Variants in PRICKLE1 observed in about 807,000 individuals in gnomAD.
The protein encoded by PRICKLE1 is prickle planar cell polarity protein 1.
PRICKLE1 carries 14 observed loss-of-function variants against 70.2 expected under a neutral mutation model. The ratio of observed to expected loss-of-function variants is 0.20; its 90% CI spans 0.13 to 0.31. PRICKLE1 has a LOEUF of 0.31. Among genes scored for constraint, PRICKLE1 ranks in the 10% least tolerant of loss-of-function variants. PRICKLE1 has a pLI of 1.00. For missense variants in PRICKLE1, 821 were observed against 1,026.2 expected, an observed-to-expected ratio of 0.80 and a Z score of 2.73; for synonymous variants, 357 against 379.9, an observed-to-expected ratio of 0.94 and a Z score of 0.70.
intron 1 of PRICKLE1, among the ~76,000 whole-genome samples, chr12:42,574,766 G>A (rs931781435): frequency 2.6e-5 from 4 of 152,190 alleles, no homozygotes; most frequent in Non-Finnish European, 5.9e-5. Context: ...TTATACCGTT[G>A]TGGAGGTTTT....
chr12:42,542,685 G>A (rs1018650219), intron 1 of PRICKLE1, among the ~76,000 whole-genome samples: 35 of 152,074 alleles, frequency 2.3e-4, no homozygotes, highest in African/African-American at 8.0e-4. Flanking sequence ...TGCCTTTGTT[G>A]TATTAAAAAA....
At chr12:42,555,404 G>A (rs1940397703) in intron 1 of PRICKLE1, among the ~76,000 whole-genome samples, 1 of 152,244 alleles carries the variant, frequency 6.6e-6, no homozygotes. Context: ...GTATTATTGT[G>A]GTTATAGATG....
intron 1 of PRICKLE1, among the ~76,000 whole-genome samples, chr12:42,567,191 T>C (rs1226918481): frequency 6.6e-6 from 1 of 152,198 alleles, no homozygotes; most frequent in Non-Finnish European, 1.5e-5. Context: ...TACCATCTAT[T>C]ATTGAACAAA....
chr12:42,530,186 C>G (rs138890965), intron 1 of PRICKLE1, among the ~76,000 whole-genome samples: 11,263 of 152,132 alleles, frequency 0.074, 544 homozygotes, highest in Non-Finnish European at 0.1. Context: ...TCAAGTGATC[C>G]GCCTGCCTCG....
chr12:42,495,468 C>T (rs944943105), intron 1 of PRICKLE1, among the ~76,000 whole-genome samples: 5 of 151,964 alleles, frequency 3.3e-5, no homozygotes, highest in South Asian at 2.1e-4. Context: ...AACTCCTGGC[C>T]TGAGCCTCTC....
chr12:42,554,797 T>C lies in PRICKLE1; in HGVS notation c.-49+34668A>G, dbSNP rs544281493. 2.0e-5 allele frequency among the ~76,000 whole-genome samples: 3 copies of C among 152,150 alleles called. No individual in the cohort carries two copies. The South Asian group carries it at 6.2e-4, about 32-fold the overall frequency. ...TTCCCACTAAAACCGAGGCTCACGT[T>C]CTCTTCACCAACTCTTTCCCTAAGG... On this transcript the variant is annotated intron_variant, in intron 1 of 7. Transcript: ENST00000345127.
chr12:42,582,097 T>C (rs893980987), intron 1 of PRICKLE1, among the ~76,000 whole-genome samples: 2 of 152,224 alleles, frequency 1.3e-5, no homozygotes, highest in African/African-American at 4.8e-5. Context: ...CTTTTGGCAG[T>C]ACTTGAGGAC....
intron 1 of PRICKLE1, among the ~76,000 whole-genome samples, chr12:42,544,982 G>A (rs911367388): frequency 4.8e-5 from 3 of 62,744 alleles, no homozygotes; most frequent in African/African-American, 6.4e-5. Flanking sequence ...GGACTACCAC[G>A]CTGAATTTTT....
chr12:42,569,292 C>T (rs973956701), intron 1 of PRICKLE1, among the ~76,000 whole-genome samples: 15 of 152,126 alleles, frequency 9.9e-5, no homozygotes, highest in African/African-American at 2.7e-4. Flanking sequence ...AAACAAAATT[C>T]GATAATGTGA....
Position 42,497,985 on chromosome 12 carries a change from A to C in PRICKLE1, c.-48-25421T>G, listed in dbSNP as rs970254031. Among the ~76,000 whole-genome samples the C allele has an allele frequency of 5.9e-5, 9 of 152,190 alleles. No individual in the cohort carries two copies. In the South Asian group the frequency reaches 1.7e-3, roughly 28 times the overall value. On this transcript the variant is annotated intron_variant, in intron 1 of 7. Coordinates refer to ENST00000345127, the MANE Select transcript of PRICKLE1 (RefSeq NM_153026.3). ...TGGACACCACAAATCTAATGATGCC[A>C]TTCTCTTTTAAAAAATTATTATTTA...
intron 1 of PRICKLE1, among the ~76,000 whole-genome samples, chr12:42,535,045 A>G (rs1939994509): frequency 2.0e-5 from 3 of 152,176 alleles, no homozygotes. Flanking sequence ...CCTCGGGTTT[A>G]GGGTGGGACA....
At chr12:42,533,533 A>G (rs957223336) in intron 1 of PRICKLE1, among the ~76,000 whole-genome samples, 3 of 152,146 alleles carry the variant, frequency 2.0e-5, no homozygotes, top group African/African-American at 7.2e-5. Context: ...CTGTGGGAAA[A>G]TTATTTCATT....
At chr12:42,548,311 T>C (rs182860505) in intron 1 of PRICKLE1, among the ~76,000 whole-genome samples, 1 of 152,352 alleles carries the variant, frequency 6.6e-6, no homozygotes, top group Non-Finnish European at 1.5e-5. Context: ...TTTCAGATTT[T>C]GGATTTTTGA....
intron 1 of PRICKLE1, among the ~76,000 whole-genome samples, chr12:42,500,314 T>C (rs189910383): frequency 6.0e-4 from 91 of 152,352 alleles, no homozygotes; most frequent in African/African-American, 2.1e-3. Flanking sequence ...CATTTTATTG[T>C]CCAAATACAA....
chr12:42,459,011 G>T lies in PRICKLE1; in HGVS notation c.*798C>A. 3.0e-6 allele frequency: 1 copy of T among 334,754 alleles called. No homozygotes were observed. The highest frequency in any genetic ancestry group is 5.5e-6 in the Non-Finnish European group (1 of 182,728). The allele number at this position is 334,754 out of a possible 1,614,324, so 20.7% of individuals were successfully genotyped here. ...AAAAAGTTGAATTTTCCATCACTAGGCAATGTAAATTTGACCATCTACATT... is the reference window on the plus strand; with the variant it reads ...AAAAAGTTGAATTTTCCATCACTAGTCAATGTAAATTTGACCATCTACATT... On this transcript the variant is annotated 3_prime_UTR_variant, in exon 8 of 8. Coordinates refer to ENST00000345127, the MANE Select transcript of PRICKLE1 (RefSeq NM_153026.3).
chr12:42,571,400 A>T (rs993642195), intron 1 of PRICKLE1, among the ~76,000 whole-genome samples: 36 of 152,220 alleles, frequency 2.4e-4, no homozygotes, highest in African/African-American at 8.0e-4. Flanking sequence ...GAAGCTAAAA[A>T]CCAAAATAAT....
At chr12:42,462,863 T>C (rs1424724250) in intron 7 of PRICKLE1, among the ~76,000 whole-genome samples, 1 of 152,226 alleles carries the variant, frequency 6.6e-6, no homozygotes, top group Non-Finnish European at 1.5e-5. Context: ...ATGTCCTAGG[T>C]TCTAGGCCTA....
intron 1 of PRICKLE1, among the ~76,000 whole-genome samples, chr12:42,568,628 A>G (rs1254709721): frequency 1.3e-5 from 2 of 152,228 alleles, no homozygotes; most frequent in Admixed American, 1.3e-4. Flanking sequence ...CAGCAAGGCA[A>G]TTTTATTCTA....
At position 42,497,546 on chromosome 12, in the gene PRICKLE1, C is replaced by CAAA. The variant is rs35111508; in HGVS notation, c.-48-24985_-48-24983dup. On this transcript the variant is annotated intron_variant, in intron 1 of 7. Coordinates refer to ENST00000345127, the MANE Select transcript of PRICKLE1 (RefSeq NM_153026.3). ...CCTGGGTGACAGCGAGACTCCATCTCAAAAAAAAAAAAAAAAAAAATTCGA... is the reference window on the plus strand; with the variant it reads ...CCTGGGTGACAGCGAGACTCCATCTCAAAAAAAAAAAAAAAAAAAAAAATTCGA... Among the ~76,000 whole-genome samples, 52 of 98,628 alleles carry CAAA rather than the reference C, an allele frequency of 5.3e-4. 1 individual carries two copies. Among genetic ancestry groups the CAAA allele is most frequent in the Middle Eastern group, 5.3e-3 (1 of 190 alleles). The allele number at this position is 98,628 out of a possible 152,430, so 64.7% of individuals were successfully genotyped here.
Sources: allele counts gnomAD v4.1 joint callset (sites outside exome capture counted in the v4.1 genomes callset), GRCh38; gene constraint gnomAD v4.1.1; transcripts MANE v1.5; gene names NCBI Gene and HGNC (gene_info 2026-07-23, HGNC 2026-07-21).